PCCB: variants seen among roughly 807,000 people sequenced by gnomAD.
PCCB encodes propionyl-CoA carboxylase subunit beta, also known as propionyl-CoA carboxylase beta chain, mitochondrial.
PCCB carries 43 observed loss-of-function variants against 60.7 expected under a neutral mutation model. The ratio of observed to expected loss-of-function variants is 0.71; its 90% CI spans 0.55 to 0.91. The LOEUF is 0.91. Ranked by LOEUF, PCCB falls within the 40% of genes least tolerant of loss-of-function variation. The pLI, the probability that PCCB is intolerant of heterozygous loss-of-function variation, is 0.00. For synonymous variants in PCCB, 276 were observed against 255.9 expected (o/e 1.08, Z -0.75); for missense variants, 766 against 702.8 (o/e 1.09, Z -1.02).
chr3:136,290,906 T>G (rs1273264150), intron 6 of PCCB, among the ~76,000 whole-genome samples: 2 of 152,038 alleles, frequency 1.3e-5, no homozygotes, highest in African/African-American at 2.4e-5. Flanking sequence ...TGATCCATTT[T>G]TTTCTCTTCG....
chr3:136,255,077 T>C (rs1169030353), intron 1 of PCCB, among the ~76,000 whole-genome samples: 2 of 151,766 alleles, frequency 1.3e-5, no homozygotes, highest in Non-Finnish European at 2.9e-5. Flanking sequence ...GGTTTCTCCA[T>C]GTTGGTCAGG....
At chr3:136,284,080 G>A in intron 6 of PCCB, 133 bp downstream of exon 6, 4 of 705,936 alleles carry the variant, frequency 5.7e-6, no homozygotes, top group South Asian at 3.0e-5. Flanking sequence ...TGATGATAAG[G>A]TGTTAATGGA....
At chr3:136,255,784 C>G in intron 1 of PCCB, 72 bp from the exon 2 acceptor site, 1 of 1,388,892 alleles carries the variant, frequency 7.2e-7, no homozygotes. Flanking sequence ...CAAGCCCTCC[C>G]ATGAACAGCC....
chr3:136,322,536 A>G (rs1935145052), intron 10 of PCCB, among the ~76,000 whole-genome samples: 1 of 152,168 alleles, frequency 6.6e-6, no homozygotes. Context: ...ACTGGTATTA[A>G]TATCTTCCTT....
At chr3:136,307,970 C>T (rs1489386819) in intron 9 of PCCB, among the ~76,000 whole-genome samples, 3 of 138,710 alleles carry the variant, frequency 2.2e-5, no homozygotes, top group Admixed American at 7.0e-5. Context: ...AGTGAAACTC[C>T]ATCTCAAAAT....
At chr3:136,262,137 T>G in intron 5 of PCCB, 72 bp downstream of exon 5, 1 of 931,234 alleles carries the variant, frequency 1.1e-6, no homozygotes, top group Non-Finnish European at 1.7e-6. Flanking sequence ...TGGCCAGAGC[T>G]TCTCCAACTC....
intron 9 of PCCB, among the ~76,000 whole-genome samples, chr3:136,307,702 G>T (rs537992645): frequency 6.6e-6 from 1 of 152,126 alleles, no homozygotes; most frequent in African/African-American, 2.4e-5. Flanking sequence ...CAGGCCAGGC[G>T]TGGTGGCTCA....
intron 14 of PCCB, among the ~76,000 whole-genome samples, chr3:136,329,581 A>G (rs770982023): frequency 1.5e-4 from 23 of 152,206 alleles, no homozygotes; most frequent in Non-Finnish European, 2.4e-4. Context: ...TGTTATAGCC[A>G]TTTTTGAAAA....
chr3:136,266,951 T>C (rs1299999425), intron 5 of PCCB, among the ~76,000 whole-genome samples: 1 of 152,126 alleles, frequency 6.6e-6, no homozygotes. Context: ...GGTGTGATCT[T>C]AGCTCACTGC....
chr3:136,327,713 T>C lies in PCCB; in HGVS notation c.1379T>C (p.Ile460Thr). 1 of 1,613,708 alleles carries C rather than the reference T, an allele frequency of 6.2e-7. No homozygotes were observed. The highest frequency in any genetic ancestry group is 8.5e-7 in the Non-Finnish European group (1 of 1,179,826). ...AACTATGCCTGGCCCACCGCAGAGA[T>C]TGCAGTCATGGGAGCAAAGGTGAGG... ...DTNYAWPTAE[I>T]AVMGAKGAVE... Residue 460 changes from isoleucine (I) to threonine (T), a missense_variant, in exon 13 of 15, where the codon ATT becomes ACT. By Grantham distance (89) the Ile-to-Thr change is moderately conservative. Coordinates refer to ENST00000251654, the MANE Select transcript of PCCB (RefSeq NM_000532.5).
intron 6 of PCCB, among the ~76,000 whole-genome samples, chr3:136,290,551 G>A (rs1356220657): frequency 2.0e-5 from 3 of 151,134 alleles, no homozygotes; most frequent in African/African-American, 7.3e-5. Context: ...TTAGAGATGG[G>A]GGTCTCCCTG....
Position 136,307,090 on chromosome 3 carries a change from G to A in PCCB, c.966+5979G>A, listed in dbSNP as rs73863335. 7.3e-3 allele frequency among the ~76,000 whole-genome samples: 896 copies of A among 122,646 alleles called. 101 individuals are homozygous for A. Among genetic ancestry groups the A allele is most frequent in the African/African-American group, 0.021 (859 of 40,240 alleles). 80.5% of individuals were successfully genotyped at this position (122,646 alleles called of 152,430 possible). ...AACAACAGAAAAGCACTTTCAGGAG[G>A]CTGAAGGAAAGAATCTGTGACTAAG... On this transcript the variant is annotated intron_variant, in intron 9 of 14. Transcript: ENST00000251654.
At chr3:136,319,204 A>T (rs1935021003) in intron 10 of PCCB, among the ~76,000 whole-genome samples, 1 of 152,022 alleles carries the variant, frequency 6.6e-6, no homozygotes, top group African/African-American at 2.4e-5. Flanking sequence ...CCATTTGTAT[A>T]TCTTCTTTGG....
chr3:136,299,845 TATATGCATGCATATGTATGTATATGC>T (rs1337566386), intron 8 of PCCB, among the ~76,000 whole-genome samples: 1 of 151,678 alleles, frequency 6.6e-6, no homozygotes, highest in Non-Finnish European at 1.5e-5. Context: ...CATGTGTATG[TATATGCATGCATATGTATGTATATGC>T]ATGCATGTGT....
At chr3:136,254,418 C>T (rs183011748) in intron 1 of PCCB, among the ~76,000 whole-genome samples, 138 of 146,908 alleles carry the variant, frequency 9.4e-4, no homozygotes, top group Middle Eastern at 3.5e-3. Flanking sequence ...GATAGGGTTT[C>T]GCCGTGTTAG....
At chr3:136,278,754 A>G (rs77958117) in intron 5 of PCCB, among the ~76,000 whole-genome samples, 1,757 of 152,312 alleles carry the variant, frequency 0.012, 32 homozygotes, top group East Asian at 0.047. Flanking sequence ...ACTTGACAAG[A>G]ATATATACTC....
intron 6 of PCCB, among the ~76,000 whole-genome samples, chr3:136,288,686 C>T (rs542729012): frequency 2.0e-5 from 3 of 152,234 alleles, no homozygotes; most frequent in East Asian, 1.9e-4. Context: ...GTTGCCCAGG[C>T]TGGAGTGCAG....
intron 7 of PCCB, among the ~76,000 whole-genome samples, chr3:136,296,191 C>A (rs532374541): frequency 6.6e-6 from 1 of 152,228 alleles, no homozygotes; most frequent in East Asian, 1.9e-4. Context: ...ATAATTATTA[C>A]CACAATCAAT....
At chr3:136,325,142 G>A (rs1381453439) in intron 10 of PCCB, among the ~76,000 whole-genome samples, 2 of 151,820 alleles carry the variant, frequency 1.3e-5, no homozygotes, top group Non-Finnish European at 2.9e-5. Context: ...CGCCCACCTT[G>A]GCCTCCCAAA....
Sources: gnomAD v4.1 joint callset for allele counts (sites outside exome capture counted in the v4.1 genomes callset) on GRCh38, gnomAD v4.1.1 for gene constraint, MANE v1.5 for transcripts, NCBI Gene and HGNC (gene_info 2026-07-23, HGNC 2026-07-21) for gene names.